The following FRMPD4 variants were observed in gnomAD, a reference collection of about 807,000 sequenced individuals.
FRMPD4 encodes FERM and PDZ domain containing 4.
In FRMPD4, 22 loss-of-function variants were observed where a neutral mutation model predicts 94.1. The observed-to-expected ratio is 0.23, with a 90% confidence interval of 0.17 to 0.33. The LOEUF (loss-of-function observed/expected upper bound fraction) is 0.33, where lower values mean the gene tolerates loss of function less well. FRMPD4 is among the 10% of genes least tolerant of loss of function. FRMPD4 has a pLI of 1.00. For synonymous variants in FRMPD4, 631 were observed against 548.6 expected (o/e 1.15, Z -2.10); for missense variants, 1,111 against 1,339.9 (o/e 0.83, Z 2.67).
At chrX:12,022,729 C>A (rs1396586780) in intron 3 of FRMPD4, among the ~76,000 whole-genome samples, 2 of 111,566 alleles carry the variant, frequency 1.8e-5, no homozygotes, top group African/African-American at 6.5e-5. Flanking sequence ...CAATGTATTT[C>A]TTCTACCGCC....
Position 12,514,365 on chromosome X carries a change from G to A in FRMPD4, c.158+15569G>A, listed in dbSNP as rs1234488840. On this transcript the variant is annotated intron_variant, in intron 2 of 16. Coordinates refer to ENST00000675598, the MANE Select transcript of FRMPD4 (RefSeq NM_001368397.1). ...TATTGGCTGTAGGTTTGTCATAAATGGCTCTTATTATTTTGAGGTATGTTC... is the reference window on the plus strand; with the variant it reads ...TATTGGCTGTAGGTTTGTCATAAATAGCTCTTATTATTTTGAGGTATGTTC... Among the ~76,000 whole-genome samples, 7 of 111,539 alleles carry A rather than the reference G, an allele frequency of 6.3e-5. No individual in the cohort carries two copies. In the Admixed American group the frequency reaches 6.7e-4, roughly 11 times the overall value.
chrX:12,605,367 G>T (rs1057191679), intron 2 of FRMPD4, among the ~76,000 whole-genome samples: 2 of 111,496 alleles, frequency 1.8e-5, no homozygotes, highest in African/African-American at 6.5e-5. Flanking sequence ...TCCCACTCCT[G>T]GTCTATCAGG....
intron 2 of FRMPD4, among the ~76,000 whole-genome samples, chrX:12,502,270 C>T (rs186103921): frequency 1.3e-3 from 150 of 112,526 alleles, no homozygotes; most frequent in Non-Finnish European, 2.5e-3. Flanking sequence ...TGAGAAGGAA[C>T]AACTTTTGTT....
At chrX:12,629,079 A>G (rs999756962) in intron 4 of FRMPD4, among the ~76,000 whole-genome samples, 1 of 111,931 alleles carries the variant, frequency 8.9e-6, no homozygotes, top group Admixed American at 9.5e-5. Context: ...TGATTCAATT[A>G]TTTTCCAGCA....
At chrX:12,046,446 T>A (rs2054785809) in intron 3 of FRMPD4, among the ~76,000 whole-genome samples, 1 of 109,817 alleles carries the variant, frequency 9.1e-6, no homozygotes, top group South Asian at 4.1e-4. Context: ...TACCTGGAGG[T>A]AGTGTCAGAT....
At chrX:12,553,462 A>ATC (rs1217690978) in intron 2 of FRMPD4, among the ~76,000 whole-genome samples, 2 of 68,001 alleles carry the variant, frequency 2.9e-5, no homozygotes, top group African/African-American at 9.7e-5. Context: ...ATATATATAT[A>ATC]TATATCTAAT....
intron 1 of FRMPD4, among the ~76,000 whole-genome samples, chrX:12,205,592 C>T (rs2056683193): frequency 1.8e-5 from 2 of 111,793 alleles, no homozygotes; most frequent in Non-Finnish European, 3.8e-5. Context: ...TGTTACTGCA[C>T]AGCTTACTTA....
chrX:11,984,362 G>A (rs778819462), intron 3 of FRMPD4, among the ~76,000 whole-genome samples: 32 of 112,381 alleles, frequency 2.8e-4, no homozygotes, highest in Non-Finnish European at 5.4e-4. Flanking sequence ...CCTCTTGGTA[G>A]CCATTGCTTT....
rs61674706 is a variant in FRMPD4, at chrX:12,075,170, T to C, written c.95+197152T>C. ...TTTAGGGCAGTGAAACTACTCTATA[T>C]ATTATAATGGTGGATACTTGTCATT... On this transcript the variant is annotated intron_variant, in intron 3 of 18. Coordinates refer to the FRMPD4 transcript ENST00000640291. 2.8e-4 allele frequency among the ~76,000 whole-genome samples: 31 copies of C among 112,510 alleles called. No individual in the cohort carries two copies. The East Asian group carries it at 8.3e-3, about 30-fold the overall frequency.
chrX:11,897,867 G>A (rs748115260), intron 3 of FRMPD4, among the ~76,000 whole-genome samples: 1 of 111,920 alleles, frequency 8.9e-6, no homozygotes, highest in African/African-American at 3.3e-5. Context: ...GGTAAAACCG[G>A]GGCTGGCTAA....
At chrX:12,423,272 C>T (rs5979623) in intron 1 of FRMPD4, among the ~76,000 whole-genome samples, 27,040 of 109,605 alleles carry the variant, frequency 0.25, 3,163 homozygotes, top group African/African-American at 0.45. Context: ...AAATAAAAAA[C>T]AAAAATTTCC....
chrX:12,360,427 T>C (rs987171748), intron 1 of FRMPD4, among the ~76,000 whole-genome samples: 10 of 111,761 alleles, frequency 8.9e-5, no homozygotes, highest in African/African-American at 2.6e-4. Flanking sequence ...TATATGTACA[T>C]TGGCAAGCCT....
rs981644097 is a variant in FRMPD4, at chrX:12,649,733, T to C, written c.423-25130T>C. On this transcript the variant is annotated intron_variant, in intron 4 of 16. Transcript: ENST00000675598. The stretch of plus-strand genomic sequence containing the variant: ...ACTTTACACGGTGCTTAGCATACAG[T>C]AGACGTGAAGTAAATGATTGCTTAT... Among the ~76,000 whole-genome samples the C allele has an allele frequency of 7.1e-5, 8 of 112,597 alleles. No individual in the cohort carries two copies. The Admixed American group carries it at 7.5e-4, about 11-fold the overall frequency.
chrX:12,718,351 C>A lies in FRMPD4; in HGVS notation c.3525C>A (p.Asp1175Glu), dbSNP rs764002122. The A allele has an allele frequency of 8.3e-7, 1 of 1,211,918 alleles. No homozygotes were observed. Among genetic ancestry groups the A allele is most frequent in the Non-Finnish European group, 1.1e-6 (1 of 895,390 alleles). ...AGGACGCTGACTCGTCCACCTGCGA[C>A]CATCCTTCCAAGCTTCCTGAGGCTG... ...NPEDADSSTC[D>E]HPSKLPEADE... The change falls in exon 16 of 17, where the codon GAC (aspartate) becomes GAA (glutamate). Residue 1175 changes from aspartate to glutamate, a missense_variant. Around this residue, in one of 8 missense-constraint regions of FRMPD4, gnomAD observed 551 missense variants for 591.6 expected, o/e 0.93. Transcript: ENST00000675598.
chrX:12,055,783 G>C (rs901192093), intron 3 of FRMPD4, among the ~76,000 whole-genome samples: 1 of 111,506 alleles, frequency 9.0e-6, no homozygotes, highest in African/African-American at 3.3e-5. Context: ...AGAGGATGGA[G>C]GGTAATATGA....
intron 1 of FRMPD4, among the ~76,000 whole-genome samples, chrX:12,276,848 G>A (rs757321056): frequency 1.2e-3 from 131 of 111,599 alleles, no homozygotes; most frequent in Middle Eastern, 4.6e-3. Flanking sequence ...TTGGCCGGGC[G>A]CGGTGGCTCA....
intron 4 of FRMPD4, among the ~76,000 whole-genome samples, chrX:12,656,791 CA>C (rs2059660860): frequency 9.0e-6 from 1 of 111,587 alleles, no homozygotes. Flanking sequence ...TCTATTGGTA[CA>C]TAACAAATTA....
At chrX:11,823,924 T>C (rs752986577) in intron 1 of FRMPD4, among the ~76,000 whole-genome samples, 1 of 111,522 alleles carries the variant, frequency 9.0e-6, no homozygotes, top group Non-Finnish European at 1.9e-5. Context: ...CTTATGAAAA[T>C]AATGAAGTGA....
chrX:11,960,548 T>A (rs1022954518), intron 3 of FRMPD4, among the ~76,000 whole-genome samples: 1 of 112,436 alleles, frequency 8.9e-6, no homozygotes, highest in Non-Finnish European at 1.9e-5. Flanking sequence ...AATTTTGACT[T>A]CCACATGGAT....
Sources: gnomAD v4.1 joint callset for allele counts (sites outside exome capture counted in the v4.1 genomes callset) on GRCh38, gnomAD v4.1.1 for gene constraint, gnomAD v4.1.1 regional missense constraint, MANE v1.5 for transcripts, NCBI Gene and HGNC (gene_info 2026-07-23, HGNC 2026-07-21) for gene names.